DLG2: variants seen among roughly 807,000 people sequenced by gnomAD.
DLG2 encodes discs large MAGUK scaffold protein 2.
Under a neutral mutation model 132.5 loss-of-function variants are expected in DLG2, and 45 were observed. That is an observed-to-expected ratio of 0.34 (90% CI 0.27 to 0.44). The LOEUF is 0.44. Ranked by LOEUF, DLG2 falls within the 20% of genes least tolerant of loss-of-function variation. The pLI, the probability that DLG2 is intolerant of heterozygous loss-of-function variation, is 1.00. For synonymous variants in DLG2, 424 were observed against 419.6 expected, an observed-to-expected ratio of 1.01 and a Z score of -0.13; for missense variants, 1,045 against 1,196.9, an observed-to-expected ratio of 0.87 and a Z score of 1.87.
chr11:84,247,306 G>A (rs1515085), intron 8 of DLG2, among the ~76,000 whole-genome samples: 150,095 of 152,240 alleles, frequency 0.99, 73,999 homozygotes, highest in East Asian at 1. Context: ...TTATTATTTG[G>A]CTGAGTCAAC....
chr11:84,376,514 A>G (rs2098729483), intron 7 of DLG2, among the ~76,000 whole-genome samples: 1 of 151,856 alleles, frequency 6.6e-6, no homozygotes, highest in Admixed American at 6.6e-5. Flanking sequence ...ATTAAGATCT[A>G]CTCTTGTGTC....
At chr11:85,027,173 C>CTTTTTTTTT (rs10571202) in intron 6 of DLG2, among the ~76,000 whole-genome samples, 1 of 69,336 alleles carries the variant, frequency 1.4e-5, no homozygotes, top group Admixed American at 1.9e-4. Flanking sequence ...AGTGTGGTCT[C>CTTTTTTTTT]TTTTTTTTTT....
intron 6 of DLG2, among the ~76,000 whole-genome samples, chr11:84,982,902 G>C (rs1408589650): frequency 6.6e-6 from 1 of 152,086 alleles, no homozygotes; most frequent in Non-Finnish European, 1.5e-5. Context: ...AATAATTCTT[G>C]AAAAGTAAGA....
chr11:83,902,541 A>C (rs2073761731), intron 15 of DLG2, among the ~76,000 whole-genome samples: 1 of 152,214 alleles, frequency 6.6e-6, no homozygotes, highest in South Asian at 2.1e-4. Flanking sequence ...AAATCATGCC[A>C]AATGAAAAGC....
intron 8 of DLG2, among the ~76,000 whole-genome samples, chr11:84,241,913 G>A (rs182689274): frequency 7.9e-5 from 12 of 152,254 alleles, no homozygotes; most frequent in South Asian, 2.1e-4. Flanking sequence ...GAGATCCCAC[G>A]ATTCTAACAA....
chr11:84,140,443 T>A (rs868386122), intron 9 of DLG2, among the ~76,000 whole-genome samples: 2 of 152,270 alleles, frequency 1.3e-5, no homozygotes, highest in African/African-American at 4.8e-5. Context: ...TCTCATTGAT[T>A]TTAAGTTTCA....
intron 3 of DLG2, among the ~76,000 whole-genome samples, chr11:85,484,239 C>T (rs993548904): frequency 1.7e-5 from 2 of 117,260 alleles, no homozygotes; most frequent in Admixed American, 8.6e-5. Flanking sequence ...CTCCCTCTCC[C>T]ACCGCCCCTC....
intron 3 of DLG2, among the ~76,000 whole-genome samples, chr11:85,374,501 G>A (rs1466475978): frequency 1.3e-5 from 2 of 152,120 alleles, no homozygotes; most frequent in Non-Finnish European, 2.9e-5. Flanking sequence ...AGCCACACCT[G>A]GCTAATTTTG....
At chr11:85,498,848 G>C (rs1297094975) in intron 3 of DLG2, among the ~76,000 whole-genome samples, 1 of 151,944 alleles carries the variant, frequency 6.6e-6, no homozygotes, top group Non-Finnish European at 1.5e-5. Context: ...ATGACTACTG[G>C]GTAAATAATG....
intron 17 of DLG2, among the ~76,000 whole-genome samples, chr11:83,806,540 C>T (rs2045948628): frequency 6.6e-6 from 1 of 152,146 alleles, no homozygotes; most frequent in African/African-American, 2.4e-5. Context: ...CATAATAACA[C>T]ACGATGTTCT....
intron 12 of DLG2, 37 bp from the exon 13 acceptor site, chr11:83,965,505 C>G (rs60768409): frequency 1.3e-6 from 2 of 1,534,108 alleles, no homozygotes; most frequent in Non-Finnish European, 1.8e-6. Flanking sequence ...AGAGTTAAAT[C>G]TATGGAGCAG....
chr11:84,015,253 T>C (rs1216174991), intron 11 of DLG2, among the ~76,000 whole-genome samples: 6 of 152,180 alleles, frequency 3.9e-5, no homozygotes, highest in Admixed American at 3.3e-4. Context: ...AAGAAGCATG[T>C]GCCAAGTAGA....
At chr11:84,695,008 G>A (rs2058468052) in intron 6 of DLG2, among the ~76,000 whole-genome samples, 3 of 151,464 alleles carry the variant, frequency 2.0e-5, no homozygotes, top group African/African-American at 7.3e-5. Context: ...GCACCTTCTA[G>A]TATATTGATG....
intron 3 of DLG2, among the ~76,000 whole-genome samples, chr11:85,426,300 TGG>T (rs1385608434): frequency 2.5e-4 from 38 of 152,230 alleles, no homozygotes; most frequent in African/African-American, 7.9e-4. Flanking sequence ...AGCACGCAGT[TGG>T]ACATCTGAGA....
intron 7 of DLG2, among the ~76,000 whole-genome samples, chr11:84,511,281 C>T (rs2099256361): frequency 6.6e-6 from 1 of 151,822 alleles, no homozygotes; most frequent in African/African-American, 2.4e-5. Flanking sequence ...TCTATTCTTA[C>T]TTCAATTTAA....
chr11:85,145,236 C>T (rs1218301359), intron 5 of DLG2, among the ~76,000 whole-genome samples: 1 of 151,788 alleles, frequency 6.6e-6, no homozygotes, highest in Non-Finnish European at 1.5e-5. Flanking sequence ...TTTCTTTTCT[C>T]TTGCTTCATT....
intron 19 of DLG2, among the ~76,000 whole-genome samples, chr11:83,569,485 T>C (rs1335828968): frequency 6.6e-6 from 1 of 152,202 alleles, no homozygotes; most frequent in African/African-American, 2.4e-5. Context: ...TTCAACATTT[T>C]AATCCTCATT....
chr11:85,119,479 T>C (rs533991459), intron 5 of DLG2, among the ~76,000 whole-genome samples: 2 of 152,120 alleles, frequency 1.3e-5, no homozygotes, highest in Admixed American at 1.3e-4. Context: ...GTAATTAATA[T>C]TTGCATTCTG....
At chr11:83,691,325 C>T (rs1267247780) in intron 18 of DLG2, among the ~76,000 whole-genome samples, 1 of 152,178 alleles carries the variant, frequency 6.6e-6, no homozygotes, top group Non-Finnish European at 1.5e-5. Context: ...CCACTGTCTT[C>T]TCTGTACTCT....
Sources: allele counts gnomAD v4.1 joint callset (sites outside exome capture counted in the v4.1 genomes callset), GRCh38; gene constraint gnomAD v4.1.1; transcripts MANE v1.5; gene names NCBI Gene and HGNC (gene_info 2026-07-23, HGNC 2026-07-21).